IGFL2: variants seen among roughly 807,000 people sequenced by gnomAD.
IGFL2 encodes insulin growth factor-like family member 2.
Under a neutral mutation model 13.9 loss-of-function variants are expected in IGFL2, and 7 were observed. The observed-to-expected ratio is 0.51, with a 90% confidence interval of 0.29 to 0.95. The LOEUF (loss-of-function observed/expected upper bound fraction) is 0.95. Ranked by LOEUF, IGFL2 falls within the 40% of genes least tolerant of loss-of-function variation. The probability of loss-of-function intolerance (pLI) is 0.08; values close to 1 mark genes in which losing one functional copy is unlikely to be tolerated. For synonymous variants in IGFL2, 55 were observed against 55.8 expected, an observed-to-expected ratio of 0.99 and a Z score of 0.07; for missense variants, 138 against 147.8, an observed-to-expected ratio of 0.93 and a Z score of 0.34.
At chr19:46,196,640 C>A in the IGFL2 span, among the ~76,000 whole-genome samples, 1 of 152,234 alleles carries the variant, frequency 6.6e-6, no homozygotes, top group Non-Finnish European at 1.5e-5. Flanking sequence ...GCCCTGAACC[C>A]TAGGCCCATT....
chr19:46,116,490 C>T, the IGFL2 span, among the ~76,000 whole-genome samples: 1 of 152,082 alleles, frequency 6.6e-6, no homozygotes, highest in African/African-American at 2.4e-5. Context: ...TGAATCTTTC[C>T]AAAGCATTTG....
chr19:46,170,499 TAAG>T, the IGFL2 span, among the ~76,000 whole-genome samples: 3 of 152,158 alleles, frequency 2.0e-5, no homozygotes, highest in African/African-American at 4.8e-5. Flanking sequence ...CTGGGCACCT[TAAG>T]AACAGGATAA....
At chr19:46,171,100 T>A in the IGFL2 span, among the ~76,000 whole-genome samples, 1 of 152,232 alleles carries the variant, frequency 6.6e-6, no homozygotes, top group Non-Finnish European at 1.5e-5. Context: ...GCTGGTTTTA[T>A]GGCTCAGGGG....
chr19:46,151,736 C>T lies in IGFL2; in HGVS notation c.19+3439C>T, dbSNP rs187048672. 2.9e-4 allele frequency among the ~76,000 whole-genome samples: 44 copies of T among 152,200 alleles called. No individual in the cohort carries two copies. In the East Asian group the frequency reaches 8.5e-3, roughly 29 times the overall value. ...GACCAGCCTGGGCCATATGGTGAGACCACATCTCTACCAAAAAATGCAAAA... is the reference window on the plus strand; with the variant it reads ...GACCAGCCTGGGCCATATGGTGAGATCACATCTCTACCAAAAAATGCAAAA... On this transcript the variant is annotated intron_variant, in intron 1 of 3. Coordinates refer to ENST00000377693, the MANE Select transcript of IGFL2 (RefSeq NM_001135113.2).
chr19:46,160,324 A>G, intron 1 of IGFL2, 91 bp from the exon 2 acceptor site: 2 of 1,139,706 alleles, frequency 1.8e-6, no homozygotes, highest in Admixed American at 4.0e-5. Flanking sequence ...ATCTGGAACT[A>G]AGCCTTCCCC....
At chr19:46,111,919 C>T in the IGFL2 span, 1 of 152,124 alleles carries the variant, frequency 6.6e-6, no homozygotes, top group East Asian at 1.9e-4. Flanking sequence ...ATGTACACCC[C>T]GAGTCTGTAC....
the IGFL2 span, chr19:46,207,075 T>G: frequency 6.6e-6 from 1 of 152,224 alleles, no homozygotes; most frequent in East Asian, 1.9e-4. Context: ...TTGAGTACAC[T>G]GAGAAGAACA....
the IGFL2 span, among the ~76,000 whole-genome samples, chr19:46,082,255 CATT>C: frequency 6.6e-6 from 1 of 152,156 alleles, no homozygotes; most frequent in African/African-American, 2.4e-5. Flanking sequence ...TTACTACTAT[CATT>C]ATTAAGACAG....
At chr19:46,157,350 A>T (rs1973881444) in intron 1 of IGFL2, among the ~76,000 whole-genome samples, 1 of 152,182 alleles carries the variant, frequency 6.6e-6, no homozygotes, top group Non-Finnish European at 1.5e-5. Context: ...GAAACTATAG[A>T]CCAATATCCT....
chr19:46,209,980 A>G, the IGFL2 span: 1 of 151,936 alleles, frequency 6.6e-6, no homozygotes, highest in Non-Finnish European at 1.5e-5. Context: ...CATATACTTA[A>G]TTGTGGGGGC....
the IGFL2 span, among the ~76,000 whole-genome samples, chr19:46,176,870 A>G: frequency 6.6e-6 from 1 of 152,140 alleles, no homozygotes; most frequent in Non-Finnish European, 1.5e-5. Flanking sequence ...TCAGTTTATC[A>G]CTGGGCTGCA....
the IGFL2 span, among the ~76,000 whole-genome samples, chr19:46,134,945 G>A: frequency 6.6e-6 from 1 of 152,212 alleles, no homozygotes; most frequent in Admixed American, 6.5e-5. Context: ...GAGAAGAGGA[G>A]CAGCTCTGTA....
At chr19:46,153,059 G>T (rs1309772368) in intron 1 of IGFL2, among the ~76,000 whole-genome samples, 1 of 152,146 alleles carries the variant, frequency 6.6e-6, no homozygotes, top group Non-Finnish European at 1.5e-5. Context: ...TATGCTGCTG[G>T]ATTTGGTTTG....
the IGFL2 span, among the ~76,000 whole-genome samples, chr19:46,133,298 G>A: frequency 1.4e-3 from 212 of 152,286 alleles, no homozygotes; most frequent in Non-Finnish European, 2.5e-3. Flanking sequence ...AAAGAGGGCC[G>A]CTTGCTAGCA....
chr19:46,166,878 TG>T, the IGFL2 span, among the ~76,000 whole-genome samples: 1 of 152,252 alleles, frequency 6.6e-6, no homozygotes, highest in Non-Finnish European at 1.5e-5. Flanking sequence ...GCTGTTATCC[TG>T]TTCTTTTTTC....
the IGFL2 span, among the ~76,000 whole-genome samples, chr19:46,110,733 A>C: frequency 1.3e-5 from 2 of 152,232 alleles, no homozygotes; most frequent in African/African-American, 4.8e-5. Context: ...ACCTTCTGAC[A>C]AGAAGTAAAC....
chr19:46,132,229 C>T, the IGFL2 span, among the ~76,000 whole-genome samples: 12 of 152,092 alleles, frequency 7.9e-5, no homozygotes, highest in Admixed American at 7.2e-4. Context: ...TTCTGAGCAA[C>T]TTTGGTGACC....
chr19:46,119,870 C>T, the IGFL2 span, among the ~76,000 whole-genome samples: 7 of 150,676 alleles, frequency 4.6e-5, no homozygotes, highest in Admixed American at 2.0e-4. Context: ...CTGGCAGGAG[C>T]ACAACTGTGT....
the IGFL2 span, among the ~76,000 whole-genome samples, chr19:46,081,606 C>T: frequency 6.6e-6 from 1 of 152,166 alleles, no homozygotes; most frequent in Admixed American, 6.5e-5. Context: ...GACAGATAGT[C>T]TTGTCTGTGT....
Sources: allele counts gnomAD v4.1 joint callset (sites outside exome capture counted in the v4.1 genomes callset), GRCh38; gene constraint gnomAD v4.1.1; transcripts MANE v1.5; gene names NCBI Gene and HGNC (gene_info 2026-07-23, HGNC 2026-07-21).